The following DPYD variants were observed in gnomAD, a reference collection of about 807,000 sequenced individuals.
The protein encoded by DPYD is dihydropyrimidine dehydrogenase [NADP(+)].
DPYD carries 109 observed loss-of-function variants against 116.2 expected under a neutral mutation model. That is an observed-to-expected ratio of 0.94 (90% CI 0.80 to 1.10). The LOEUF (loss-of-function observed/expected upper bound fraction) is 1.10. Ranked by LOEUF, DPYD falls within the 50% of genes least tolerant of loss-of-function variation. DPYD has a pLI of 0.00. For synonymous variants in DPYD, 440 were observed against 432.0 expected (o/e 1.02, Z -0.23); for missense variants, 1,302 against 1,254.5 (o/e 1.04, Z -0.57).
At chr1:97,717,232 T>C (rs530043533) in intron 5 of DPYD, among the ~76,000 whole-genome samples, 34 of 152,212 alleles carry the variant, frequency 2.2e-4, no homozygotes, top group Non-Finnish European at 4.1e-4. Flanking sequence ...AAATAGTATA[T>C]GCTGATACGA....
At chr1:97,344,174 TTAAAAA>T (rs1669721948) in intron 16 of DPYD, among the ~76,000 whole-genome samples, 1 of 151,748 alleles carries the variant, frequency 6.6e-6, no homozygotes, top group Admixed American at 6.6e-5. Context: ...TCATTATTTC[TTAAAAA>T]TAAAAAAAAG....
intron 14 of DPYD, among the ~76,000 whole-genome samples, chr1:97,389,864 CAA>C (rs11406485): frequency 2.8e-5 from 4 of 142,518 alleles, no homozygotes; most frequent in Admixed American, 7.1e-5. Context: ...GCTTATTTGG[CAA>C]AAAAAAAAAA....
intron 8 of DPYD, among the ~76,000 whole-genome samples, chr1:97,604,537 T>C (rs541941975): frequency 6.6e-6 from 1 of 151,878 alleles, no homozygotes; most frequent in South Asian, 2.1e-4. Context: ...TTACTCTAAG[T>C]CATTACTGTA....
At chr1:97,173,990 T>C (rs10430074) in intron 20 of DPYD, among the ~76,000 whole-genome samples, 108,820 of 151,176 alleles carry the variant, frequency 0.72, 40,762 homozygotes, top group East Asian at 0.99. Flanking sequence ...AGTGTTTTGT[T>C]TTCAGTTCTA....
chr1:97,308,528 G>T (rs1667297490), intron 16 of DPYD: 1 of 151,768 alleles, frequency 6.6e-6, no homozygotes, highest in Non-Finnish European at 1.5e-5. Context: ...TGTTTGACAG[G>T]TATAATAGAG....
chr1:97,685,639 T>C (rs1660683057), intron 7 of DPYD, among the ~76,000 whole-genome samples: 1 of 152,254 alleles, frequency 6.6e-6, no homozygotes, highest in Non-Finnish European at 1.5e-5. Context: ...TTCTGCAAAG[T>C]CTCAGGATAC....
At chr1:97,460,161 G>A (rs1676938944) in intron 13 of DPYD, among the ~76,000 whole-genome samples, 1 of 152,112 alleles carries the variant, frequency 6.6e-6, no homozygotes, top group Admixed American at 6.5e-5. Context: ...AAAAAAAGCA[G>A]GTGCAAATCT....
intron 20 of DPYD, among the ~76,000 whole-genome samples, chr1:97,185,936 G>A (rs954422593): frequency 2.0e-5 from 3 of 152,094 alleles, no homozygotes; most frequent in African/African-American, 7.2e-5. Flanking sequence ...CTTGTCAAAT[G>A]GTTCATTTAA....
chr1:97,617,034 C>A (rs958787594), intron 8 of DPYD, among the ~76,000 whole-genome samples: 4 of 151,950 alleles, frequency 2.6e-5, no homozygotes, highest in African/African-American at 9.7e-5. Context: ...AAAACCCATC[C>A]CTACTAAAAA....
At chr1:97,749,949 G>T (rs1346731470) in intron 3 of DPYD, among the ~76,000 whole-genome samples, 2 of 151,384 alleles carry the variant, frequency 1.3e-5, no homozygotes, top group African/African-American at 4.9e-5. Flanking sequence ...TAAACTCTTT[G>T]ATTTATATCA....
chr1:97,300,330 G>A (rs1015683819), intron 18 of DPYD, among the ~76,000 whole-genome samples: 1 of 152,006 alleles, frequency 6.6e-6, no homozygotes, highest in African/African-American at 2.4e-5. Context: ...CAATGTTAAA[G>A]CCTAAGCTCT....
Position 97,247,910 on chromosome 1 carries a change from C to T in DPYD, c.2300-12916G>A, listed in dbSNP as rs145906832. 7.8e-3 allele frequency among the ~76,000 whole-genome samples: 1,191 copies of T among 152,234 alleles called. 15 individuals carry two copies. Among genetic ancestry groups the T allele is most frequent in the Non-Finnish European group, 0.011 (779 of 68,010 alleles). On this transcript the variant is annotated intron_variant, in intron 18 of 22. Transcript: ENST00000370192. ...AGCAAACTGCAAGCCCAGATGGCTT[C>T]GCTGGTAAATTCTATTAAACTAAAG... is the stretch of plus-strand genomic sequence containing the variant.
At chr1:97,541,125 G>A (rs946539613) in intron 12 of DPYD, among the ~76,000 whole-genome samples, 1 of 152,082 alleles carries the variant, frequency 6.6e-6, no homozygotes, top group African/African-American at 2.4e-5. Context: ...AAGTAATGCT[G>A]ATGCTTTATA....
intron 20 of DPYD, among the ~76,000 whole-genome samples, chr1:97,189,476 T>C (rs1658212074): frequency 6.6e-6 from 1 of 152,216 alleles, no homozygotes; most frequent in South Asian, 2.1e-4. Flanking sequence ...TTTCATGCTT[T>C]TCCAGTTGCA....
At chr1:97,333,862 A>G (rs1669156564) in intron 16 of DPYD, among the ~76,000 whole-genome samples, 1 of 152,140 alleles carries the variant, frequency 6.6e-6, no homozygotes, top group Non-Finnish European at 1.5e-5. Context: ...GGTCCTAGCC[A>G]AAAAAGAGAA....
intron 2 of DPYD, among the ~76,000 whole-genome samples, chr1:97,852,696 A>G (rs1167691304): frequency 1.3e-5 from 2 of 152,142 alleles, no homozygotes; most frequent in Admixed American, 6.5e-5. Flanking sequence ...TCTGAATACA[A>G]TTTGACTCCC....
chr1:97,573,254 T>C (rs1653026625), intron 11 of DPYD, among the ~76,000 whole-genome samples: 1 of 152,096 alleles, frequency 6.6e-6, no homozygotes, highest in Non-Finnish European at 1.5e-5. Flanking sequence ...TTTCTTAGCA[T>C]GCTCATTTAT....
chr1:97,272,245 C>T (rs919100745), intron 18 of DPYD, among the ~76,000 whole-genome samples: 1 of 152,162 alleles, frequency 6.6e-6, no homozygotes, highest in African/African-American at 2.4e-5. Context: ...AGAGCACAAG[C>T]ATGAAAGTTA....
intron 13 of DPYD, among the ~76,000 whole-genome samples, chr1:97,494,795 T>C (rs910330045): frequency 6.6e-6 from 1 of 150,924 alleles, no homozygotes; most frequent in Non-Finnish European, 1.5e-5. Flanking sequence ...CACACACACA[T>C]AATTTTAAGA....
Sources: gnomAD v4.1 joint callset for allele counts (sites outside exome capture counted in the v4.1 genomes callset) on GRCh38, gnomAD v4.1.1 for gene constraint, MANE v1.5 for transcripts, NCBI Gene and HGNC (gene_info 2026-07-23, HGNC 2026-07-21) for gene names.